ERG: variants seen among roughly 807,000 people sequenced by gnomAD.
The protein encoded by ERG is ETS transcription factor ERG.
ERG carries 9 observed loss-of-function variants against 55.3 expected under a neutral mutation model. The observed-to-expected ratio is 0.16, with a 90% CI of 0.10 to 0.28. The LOEUF is 0.28. Among genes scored for constraint, ERG ranks in the 10% least tolerant of loss-of-function variants. ERG has a pLI of 1.00. For missense variants in ERG, 434 were observed against 631.6 expected, an observed-to-expected ratio of 0.69 and a Z score of 3.35; for synonymous variants, 223 against 237.3, an observed-to-expected ratio of 0.94 and a Z score of 0.55.
intron 9 of ERG, among the ~76,000 whole-genome samples, chr21:38,386,805 C>T (rs993944710): frequency 5.9e-5 from 9 of 151,434 alleles, no homozygotes; most frequent in East Asian, 3.9e-4. Flanking sequence ...TTTTTTTACT[C>T]TCTCTTAATA....
intron 1 of ERG, among the ~76,000 whole-genome samples, chr21:38,579,466 G>A (rs1427019395): frequency 6.6e-6 from 1 of 152,192 alleles, no homozygotes; most frequent in Non-Finnish European, 1.5e-5. Context: ...GAGGTGCCCA[G>A]TGAGGCGTGT....
chr21:38,411,877 T>C (rs1392140237), intron 3 of ERG, among the ~76,000 whole-genome samples: 1 of 152,234 alleles, frequency 6.6e-6, no homozygotes, highest in African/African-American at 2.4e-5. Context: ...GCTATGTTAT[T>C]AGGTACATGT....
chr21:38,467,400 A>T (rs1268505589), intron 1 of ERG, among the ~76,000 whole-genome samples: 1 of 152,190 alleles, frequency 6.6e-6, no homozygotes, highest in African/African-American at 2.4e-5. Flanking sequence ...AGCAGGTGGA[A>T]ACCAAAGTGT....
chr21:38,607,845 T>C (rs564991405), intron 1 of ERG, among the ~76,000 whole-genome samples: 1 of 152,048 alleles, frequency 6.6e-6, no homozygotes, highest in South Asian at 2.1e-4. Flanking sequence ...GAGCTGGAAG[T>C]AGGGGAGCAG....
intron 6 of ERG, 67 bp downstream of exon 6, chr21:38,400,507 G>A (rs2146448480): frequency 8.0e-7 from 1 of 1,247,492 alleles, no homozygotes; most frequent in Non-Finnish European, 1.2e-6. Flanking sequence ...GTGACTTAGG[G>A]CACGGATCTC....
chr21:38,513,954 T>C (rs2059533171), intron 2 of ERG, among the ~76,000 whole-genome samples: 1 of 152,088 alleles, frequency 6.6e-6, no homozygotes. Context: ...GGGCTATTAC[T>C]ACAGATGCTG....
chr21:38,382,581 C>T lies in ERG; in HGVS notation c.*822G>A, dbSNP rs1214113789. 4 of 1,065,896 alleles carry T rather than the reference C, an allele frequency of 3.8e-6. No individual in the cohort carries two copies. Among genetic ancestry groups the T allele is most frequent in the Admixed American group, 5.3e-5 (1 of 18,738 alleles). 66.0% of individuals were successfully genotyped at this position (1,065,896 alleles called of 1,614,324 possible). On this transcript the variant is annotated 3_prime_UTR_variant, in exon 10 of 10. Transcript: ENST00000288319. Reference sequence around the variant, plus strand: ...GTATAACACTGACTGCATGAACCCTCGAGTCTCCATAACTCATTGTACACA... The same window carrying T: ...GTATAACACTGACTGCATGAACCCTTGAGTCTCCATAACTCATTGTACACA...
intron 1 of ERG, among the ~76,000 whole-genome samples, chr21:38,459,371 A>G (rs928804407): frequency 3.3e-5 from 5 of 152,208 alleles, no homozygotes; most frequent in African/African-American, 1.2e-4. Context: ...CCAATGTAAG[A>G]TTTATTATGT....
chr21:38,518,214 C>T (rs985466481), intron 2 of ERG, among the ~76,000 whole-genome samples: 6 of 150,914 alleles, frequency 4.0e-5, no homozygotes, highest in African/African-American at 1.5e-4. Flanking sequence ...ATCACATGTA[C>T]CCCATAACTA....
intron 1 of ERG, among the ~76,000 whole-genome samples, chr21:38,616,698 T>G (rs1045335797): frequency 7.2e-5 from 11 of 152,096 alleles, no homozygotes; most frequent in Non-Finnish European, 4.4e-5. Flanking sequence ...TCAGAAAACA[T>G]TCAACCTCTA....
intron 8 of ERG, 62 bp downstream of exon 8, chr21:38,391,597 A>G: frequency 7.5e-7 from 1 of 1,326,364 alleles, no homozygotes; most frequent in Non-Finnish European, 1.1e-6. Flanking sequence ...GAAGCATTTT[A>G]GAAATGTGCT....
the ERG span, among the ~76,000 whole-genome samples, chr21:38,370,020 T>C: frequency 6.6e-6 from 1 of 152,192 alleles, no homozygotes; most frequent in Admixed American, 6.6e-5. Context: ...TTGGTTACTG[T>C]AGCCCTGTAT....
upstream of ERG, among the ~76,000 whole-genome samples, chr21:38,503,253 GA>G (rs1157271883): frequency 6.6e-6 from 1 of 152,038 alleles, no homozygotes; most frequent in Non-Finnish European, 1.5e-5. Context: ...GTAAATATCT[GA>G]AAAATACAGG....
At chr21:38,464,722 T>C (rs1166280959) in intron 1 of ERG, among the ~76,000 whole-genome samples, 1 of 151,868 alleles carries the variant, frequency 6.6e-6, no homozygotes, top group Non-Finnish European at 1.5e-5. Flanking sequence ...CCTACCCTCC[T>C]ACCCCCCGAG....
At chr21:38,375,096 G>T (rs946989160), downstream of ERG, among the ~76,000 whole-genome samples, 2 of 152,076 alleles carry the variant, frequency 1.3e-5, no homozygotes, top group African/African-American at 2.4e-5. Flanking sequence ...CTCCAATTAA[G>T]AAGAAAATAC....
intron 1 of ERG, among the ~76,000 whole-genome samples, chr21:38,617,063 A>T (rs946759514): frequency 6.6e-6 from 1 of 152,226 alleles, no homozygotes; most frequent in African/African-American, 2.4e-5. Context: ...GTTACATCAT[A>T]TGCTGCCTCT....
chr21:38,594,600 T>C (rs1017572171), intron 1 of ERG, among the ~76,000 whole-genome samples: 9 of 152,084 alleles, frequency 5.9e-5, no homozygotes, highest in African/African-American at 2.2e-4. Context: ...GTGATGCAGA[T>C]GAAGGGGCCA....
Position 38,442,556 on chromosome 21 carries a change from C to T in ERG, c.236+2848G>A, listed in dbSNP as rs149129806. ...CGCTGAGGGCCCTGGGGCGGAACTG[C>T]CCTGGTGTCTTTCTTATGGACTGAA... On this transcript the variant is annotated intron_variant, in intron 2 of 9. Transcript: ENST00000288319. 2.4e-3 allele frequency among the ~76,000 whole-genome samples: 361 copies of T among 152,288 alleles called. 3 individuals carry two copies. Among genetic ancestry groups the T allele is most frequent in the African/African-American group, 8.3e-3 (344 of 41,568 alleles).
intron 1 of ERG, among the ~76,000 whole-genome samples, chr21:38,461,403 T>C (rs1434168170): frequency 2.0e-5 from 3 of 152,202 alleles, no homozygotes; most frequent in Non-Finnish European, 2.9e-5. Context: ...AAGGTCCCAC[T>C]CTGAGGTCCT....
Sources: gnomAD v4.1 joint callset for allele counts (sites outside exome capture counted in the v4.1 genomes callset) on GRCh38, gnomAD v4.1.1 for gene constraint, MANE v1.5 for transcripts, NCBI Gene and HGNC (gene_info 2026-07-23, HGNC 2026-07-21) for gene names.